The following NTRK2 variants were observed in gnomAD, a reference collection of about 807,000 sequenced individuals.
The protein encoded by NTRK2 is BDNF/NT-3 growth factors receptor.
A neutral mutation model predicts 94.5 loss-of-function variants in NTRK2; 13 were observed. That is an observed-to-expected ratio of 0.14 (90% CI 0.09 to 0.22). NTRK2 has a LOEUF of 0.22. Ranked by LOEUF, NTRK2 falls within the 10% of genes least tolerant of loss-of-function variation. The pLI is 1.00. For synonymous variants in NTRK2, 372 were observed against 407.4 expected, an observed-to-expected ratio of 0.91 and a Z score of 1.05; for missense variants, 639 against 1,071.2, an observed-to-expected ratio of 0.60 and a Z score of 5.63.
intron 17 of NTRK2, among the ~76,000 whole-genome samples, chr9:84,978,761 G>A (rs149166592): frequency 2.6e-4 from 39 of 152,316 alleles, no homozygotes; most frequent in Admixed American, 7.2e-4. Flanking sequence ...ACAGTGTCCC[G>A]TCAGCTGACT....
chr9:84,786,869 A>G (rs1392353963), intron 12 of NTRK2, among the ~76,000 whole-genome samples: 1 of 152,112 alleles, frequency 6.6e-6, no homozygotes, highest in East Asian at 1.9e-4. Flanking sequence ...TATGTCGAAA[A>G]TCCACTCTCG....
At chr9:84,710,615 T>C (rs755974649) in intron 5 of NTRK2, 22 bp from the exon 6 acceptor site, 4 of 1,614,050 alleles carry the variant, frequency 2.5e-6, no homozygotes, top group Non-Finnish European at 3.4e-6. Context: ...ACTTGATCTG[T>C]TGTCATTTTT....
chr9:84,897,859 G>C (rs1212658704), intron 14 of NTRK2, among the ~76,000 whole-genome samples: 2 of 152,130 alleles, frequency 1.3e-5, no homozygotes, highest in Non-Finnish European at 2.9e-5. Flanking sequence ...CAACTGAAAA[G>C]GCCTGTGAGC....
chr9:84,988,449 C>T (rs2133292688), intron 17 of NTRK2, among the ~76,000 whole-genome samples: 2 of 152,286 alleles, frequency 1.3e-5, no homozygotes, highest in South Asian at 4.1e-4. Context: ...CACACAAACA[C>T]ACACACACTC....
intron 12 of NTRK2, among the ~76,000 whole-genome samples, chr9:84,835,222 T>G (rs1445315627): frequency 2.6e-5 from 4 of 152,208 alleles, no homozygotes; most frequent in Non-Finnish European, 5.9e-5. Context: ...GTGTCGCCAT[T>G]CATCAATCAG....
intron 12 of NTRK2, among the ~76,000 whole-genome samples, chr9:84,758,407 T>C (rs1261858150): frequency 6.6e-6 from 1 of 152,100 alleles, no homozygotes; most frequent in Non-Finnish European, 1.5e-5. Flanking sequence ...ATTATTATTA[T>C]TGAGACAGAG....
intron 2 of NTRK2, among the ~76,000 whole-genome samples, chr9:84,684,279 C>T (rs979595916): frequency 4.6e-5 from 7 of 152,158 alleles, no homozygotes; most frequent in African/African-American, 1.4e-4. Flanking sequence ...CATGCATATA[C>T]CTGAATGGCA....
intron 12 of NTRK2, among the ~76,000 whole-genome samples, chr9:84,763,468 T>C (rs552321041): frequency 2.6e-5 from 4 of 152,122 alleles, no homozygotes; most frequent in Non-Finnish European, 5.9e-5. Context: ...GTTTTTTTTT[T>C]CCCTCCAGCT....
rs781039775 is a variant in NTRK2 at position 84,861,083 on chromosome 9, T to C, written c.1440T>C (p.Gly480=). The C allele has an allele frequency of 3.1e-6, 5 of 1,612,112 alleles. No homozygotes were observed. Among genetic ancestry groups the C allele is most frequent in the Non-Finnish European group, 4.2e-6 (5 of 1,178,416 alleles). Residue 480 remains glycine (G), a synonymous_variant, in exon 13 of 19, where the codon GGT becomes GGC. Coordinates refer to ENST00000277120, the MANE Select transcript of NTRK2 (RefSeq NM_006180.6). The part of the protein sequence containing the change: ...FGFGKVKSRQ[G]VGPASVISND... ...TTGGGAAAGTAAAATCAAGACAAGG[T>C]GTTGGTAAGTAGTTAACTCACTCCT...
chr9:84,755,026 A>G (rs760787237), intron 12 of NTRK2, among the ~76,000 whole-genome samples: 1 of 152,168 alleles, frequency 6.6e-6, no homozygotes, highest in Non-Finnish European at 1.5e-5. Flanking sequence ...GCAGGGCAAC[A>G]CAAGCTTTAT....
intron 17 of NTRK2, among the ~76,000 whole-genome samples, chr9:85,006,542 G>T (rs1176073871): frequency 2.0e-5 from 3 of 152,178 alleles, no homozygotes; most frequent in African/African-American, 7.2e-5. Context: ...GCTGTGGTTG[G>T]ATGGCTTCAT....
At chr9:84,842,194 A>G (rs1343603804) in intron 12 of NTRK2, among the ~76,000 whole-genome samples, 1 of 152,042 alleles carries the variant, frequency 6.6e-6, no homozygotes, top group African/African-American at 2.4e-5. Context: ...TGGGTATAGG[A>G]CGTACTTTGG....
chr9:85,023,376 C>T lies in NTRK2; in HGVS notation c.*1939C>T, dbSNP rs902481200. The T allele has an allele frequency of 2.6e-5, 6 of 232,290 alleles. No homozygotes were observed. The highest frequency in any genetic ancestry group is 1.1e-4 in the Admixed American group (2 of 17,768). 14.4% of individuals were successfully genotyped at this position (232,290 alleles called of 1,614,324 possible). A position where few individuals can be genotyped will look rare whatever the true frequency, so the allele number is the denominator to read the frequency against. ...ATAGCTCTGTTTTAGGTTTTGCTTG[C>T]GCCTGTTAATTACTGGAACACCTTA... On this transcript the variant is annotated 3_prime_UTR_variant, in exon 19 of 19. Transcript: ENST00000277120.
intron 12 of NTRK2, among the ~76,000 whole-genome samples, chr9:84,787,950 G>A (rs188757246): frequency 6.6e-6 from 1 of 152,116 alleles, no homozygotes; most frequent in South Asian, 2.1e-4. Context: ...ACCTTTCTGT[G>A]CCTCAGTTTC....
chr9:84,707,199 G>A (rs1252199260), intron 4 of NTRK2, among the ~76,000 whole-genome samples: 2 of 152,016 alleles, frequency 1.3e-5, no homozygotes, highest in African/African-American at 4.8e-5. Context: ...TCTTTTTATT[G>A]TCTGGTTGGT....
At chr9:84,819,520 T>C (rs1001257311) in intron 12 of NTRK2, among the ~76,000 whole-genome samples, 3 of 152,218 alleles carry the variant, frequency 2.0e-5, no homozygotes, top group African/African-American at 7.2e-5. Flanking sequence ...GTTGATTGAT[T>C]ACCTCTCCAT....
intron 14 of NTRK2, among the ~76,000 whole-genome samples, chr9:84,898,879 T>C (rs2076842250): frequency 6.6e-6 from 1 of 152,126 alleles, no homozygotes; most frequent in South Asian, 2.1e-4. Context: ...GTTTTGTATT[T>C]TTAGTAGAGA....
chr9:84,786,283 T>C (rs1012271718), intron 12 of NTRK2, among the ~76,000 whole-genome samples: 35 of 152,194 alleles, frequency 2.3e-4, no homozygotes, highest in African/African-American at 7.7e-4. Context: ...CCATGCACTT[T>C]GCATGCATTA....
chr9:84,810,377 G>A (rs979260519), intron 12 of NTRK2, among the ~76,000 whole-genome samples: 1 of 152,096 alleles, frequency 6.6e-6, no homozygotes, highest in Non-Finnish European at 1.5e-5. Context: ...CCCAACTTCT[G>A]TTCTGTTATT....
Sources: allele counts gnomAD v4.1 joint callset (sites outside exome capture counted in the v4.1 genomes callset), GRCh38; gene constraint gnomAD v4.1.1; transcripts MANE v1.5; gene names NCBI Gene and HGNC (gene_info 2026-07-23, HGNC 2026-07-21).